The following NR1H3 variants were observed in gnomAD, a reference collection of about 807,000 sequenced individuals.
NR1H3 encodes the protein oxysterols receptor LXR-alpha.
NR1H3 carries 19 observed loss-of-function variants against 48.1 expected under a neutral mutation model. The observed-to-expected ratio is 0.40, with a 90% CI of 0.28 to 0.58. NR1H3 has a LOEUF of 0.58. NR1H3 is among the 20% of genes least tolerant of loss of function. NR1H3 has a pLI of 0.50. For missense variants in NR1H3, 486 were observed against 595.9 expected, an observed-to-expected ratio of 0.82 and a Z score of 1.92; for synonymous variants, 232 against 227.3, an observed-to-expected ratio of 1.02 and a Z score of -0.19.
chr11:47,267,981 G>A lies in NR1H3; in HGVS notation c.1057G>A (p.Asp353Asn). 1.2e-6 allele frequency: 2 copies of A among 1,614,112 alleles called. No homozygotes were observed. Among genetic ancestry groups the A allele is most frequent in the South Asian group, 2.2e-5 (2 of 91,078 alleles). Residue 353 changes from aspartate (D) to asparagine (N), a missense_variant, in exon 8 of 10, where the codon GAT (aspartate) becomes AAT (asparagine). Physicochemically the swap from Asp to Asn is conservative, Grantham distance 23. Coordinates refer to ENST00000441012, the MANE Select transcript of NR1H3 (RefSeq NM_005693.4). ...SRAMNELQLN[D>N]AEFALLIAIS... is the part of the protein sequence containing the mutation. ...GGCCATGAATGAGCTGCAACTCAAT[G>A]ATGCCGAGTTTGCCTTGCTCATTGC...
Position 47,259,250 on chromosome 11 carries a change from A to AT in NR1H3, c.36dup (p.Pro13SerfsTer3). 6.2e-7 allele frequency: 1 copy of AT among 1,614,108 alleles called. No homozygotes were observed. The highest frequency in any genetic ancestry group is 8.5e-7 in the Non-Finnish European group (1 of 1,180,016). On this transcript the variant is annotated frameshift_variant, in exon 2 of 10. Transcript: ENST00000441012. LOFTEE classifies it high-confidence loss of function. ...GTGGCTGGGGGCCCCTGTGCCTGAC[A>AT]TTCCTCCTGGTAAGCTTCATTCCAT...
upstream of NR1H3, among the ~76,000 whole-genome samples, chr11:47,253,475 T>C (rs989336157): frequency 6.6e-6 from 1 of 152,160 alleles, no homozygotes; most frequent in Non-Finnish European, 1.5e-5. Context: ...TATGTTGTGA[T>C]TGGAAGGTTG....
In NR1H3 at chr11:47,268,517, CA is replaced by C. The variant is rs1423028669; in HGVS notation, c.1198-29del. Reference sequence around the variant, plus strand: ...CTTGCCCCGCTTCCCTGGGGACAGGCAAAAGCTGTGTTTGTCTCTCTCCTTT... The same window carrying C: ...CTTGCCCCGCTTCCCTGGGGACAGGCAAAGCTGTGTTTGTCTCTCTCCTTT... On this transcript the variant is annotated intron_variant, in intron 9 of 9. Coordinates refer to ENST00000441012, the MANE Select transcript of NR1H3 (RefSeq NM_005693.4). The C allele has an allele frequency of 3.1e-6, 5 of 1,613,842 alleles. No homozygotes were observed. The Admixed American group carries it at 6.7e-5, about 22-fold the overall frequency.
chr11:47,252,584 TTG>T (rs1429976514), intron 1 of NR1H3, among the ~76,000 whole-genome samples: 1 of 150,558 alleles, frequency 6.6e-6, no homozygotes. Context: ...TTGTTTTGTT[TTG>T]TTTTTGTGAC....
chr11:47,268,915 C>T lies in NR1H3; in HGVS notation c.*219C>T, dbSNP rs1028800020. 8.7e-6 allele frequency: 5 copies of T among 577,068 alleles called. No homozygotes were observed. Among genetic ancestry groups the T allele is most frequent in the Non-Finnish European group, 1.2e-5 (4 of 334,572 alleles). 35.7% of individuals were successfully genotyped at this position (577,068 alleles called of 1,614,324 possible). A position where few individuals can be genotyped will look rare whatever the true frequency, so the allele number is the denominator to read the frequency against. ...GTGCTGTGTCTGAAGATCATGCTGACCCCACAAACGGATGGGCCTGGGGGC... is the reference window on the plus strand; with the variant it reads ...GTGCTGTGTCTGAAGATCATGCTGATCCCACAAACGGATGGGCCTGGGGGC... On this transcript the variant is annotated 3_prime_UTR_variant, in exon 10 of 10. Coordinates refer to ENST00000441012, the MANE Select transcript of NR1H3 (RefSeq NM_005693.4).
chr11:47,249,012 G>A lies in NR1H3; in HGVS notation c.-93+13G>A, dbSNP rs1954371467. ...GGAGCATAAGAAGGTAACGCGACCT[G>A]GCGCGGCAGACAGGGCTCGAAGACC... On this transcript the variant is annotated intron_variant, in intron 1 of 8. Coordinates refer to the NR1H3 transcript ENST00000395397. The A allele has an allele frequency of 6.8e-6, 10 of 1,475,360 alleles. No homozygotes were observed. The Admixed American group carries it at 7.2e-5, about 11-fold the overall frequency. 91.4% of individuals were successfully genotyped at this position (1,475,360 alleles called of 1,614,324 possible).
At chr11:47,261,062 G>T (rs540507244) in intron 4 of NR1H3, among the ~76,000 whole-genome samples, 179 bp from the exon 5 acceptor site, 1 of 147,920 alleles carries the variant, frequency 6.8e-6, no homozygotes, top group South Asian at 2.2e-4. Context: ...TCCAGCCTGA[G>T]CAAGTGTGAG....
At chr11:47,261,134 C>A in intron 4 of NR1H3, 107 bp from the exon 5 acceptor site, 1 of 814,054 alleles carries the variant, frequency 1.2e-6, no homozygotes, top group Non-Finnish European at 1.9e-6. Flanking sequence ...TTTTCTGGAG[C>A]CCCAAACCAC....
At chr11:47,249,264 C>T (rs1464332268) in intron 1 of NR1H3, among the ~76,000 whole-genome samples, 1 of 152,084 alleles carries the variant, frequency 6.6e-6, no homozygotes, top group Non-Finnish European at 1.5e-5. Context: ...TGGCCCTGTT[C>T]TCCAGGAGAT....
chr11:47,268,083 G>C, intron 8 of NR1H3, 57 bp downstream of exon 8: 1 of 1,382,988 alleles, frequency 7.2e-7, no homozygotes, highest in Non-Finnish European at 1.0e-6. Context: ...AGGGCTGCAG[G>C]TCCCACAGGA....
At chr11:47,259,753 G>A (rs1955630039) in intron 2 of NR1H3, 38 bp from the exon 3 acceptor site, 1 of 1,610,934 alleles carries the variant, frequency 6.2e-7, no homozygotes, top group Non-Finnish European at 8.5e-7. Flanking sequence ...GCCGGGATGG[G>A]GCCTGAGACC....
At chr11:47,264,037 T>C (rs1220375936) in intron 7 of NR1H3, among the ~76,000 whole-genome samples, 4 of 152,214 alleles carry the variant, frequency 2.6e-5, no homozygotes, top group Non-Finnish European at 5.9e-5. Context: ...CTCCAAAAAT[T>C]AGTTCATTCT....
chr11:47,264,828 C>T (rs1175330280), intron 7 of NR1H3, among the ~76,000 whole-genome samples: 1 of 152,232 alleles, frequency 6.6e-6, no homozygotes, highest in Non-Finnish European at 1.5e-5. Context: ...TTACTGCATG[C>T]AGTAGATAAC....
intron 2 of NR1H3, 152 bp downstream of exon 2, chr11:47,259,411 C>T (rs1041356867): frequency 6.4e-7 from 1 of 1,569,926 alleles, no homozygotes; most frequent in Non-Finnish European, 8.6e-7. Context: ...CCCAGATCAC[C>T]TCTCCCCTGG....
chr11:47,254,579 C>G (rs1270548522), upstream of NR1H3, among the ~76,000 whole-genome samples: 1 of 152,012 alleles, frequency 6.6e-6, no homozygotes, highest in Non-Finnish European at 1.5e-5. Flanking sequence ...GGGTGGGGGC[C>G]TTGGGAGGGG....
chr11:47,268,488 T>C, intron 9 of NR1H3, 62 bp from the exon 10 acceptor site: 1 of 1,608,412 alleles, frequency 6.2e-7, no homozygotes, highest in South Asian at 1.1e-5. Context: ...ACAACTCCCC[T>C]ACTCTTGCCC....
chr11:47,266,161 G>T lies in NR1H3; in HGVS notation c.989-1752G>T, dbSNP rs1565202256. 2.6e-5 allele frequency among the ~76,000 whole-genome samples: 4 copies of T among 152,054 alleles called. No individual in the cohort carries two copies. In the South Asian group the frequency reaches 8.3e-4, roughly 32 times the overall value. On this transcript the variant is annotated intron_variant, in intron 7 of 9. Coordinates refer to ENST00000441012, the MANE Select transcript of NR1H3 (RefSeq NM_005693.4). ...TAGTGTTCAAATAAGTAAGGCCAAT[G>T]CCAGTGAAAAACAAGTCTTTTTTTT...
intron 1 of NR1H3, among the ~76,000 whole-genome samples, chr11:47,252,076 A>C (rs942014804): frequency 1.3e-5 from 2 of 152,162 alleles, no homozygotes; most frequent in Non-Finnish European, 2.9e-5. Flanking sequence ...AAGAAAAAAA[A>C]AAAACACATG....
At chr11:47,254,305 T>C (rs947387715), upstream of NR1H3, among the ~76,000 whole-genome samples, 12 of 152,282 alleles carry the variant, frequency 7.9e-5, no homozygotes, top group South Asian at 1.9e-3. Flanking sequence ...CCCCAGACCA[T>C]TGAGTCCTGA....
Sources: allele counts gnomAD v4.1 joint callset (sites outside exome capture counted in the v4.1 genomes callset), GRCh38; gene constraint gnomAD v4.1.1; transcripts MANE v1.5; gene names NCBI Gene and HGNC (gene_info 2026-07-23, HGNC 2026-07-21).